Variants in CFAP54 observed in about 807,000 individuals in gnomAD.
CFAP54 encodes cilia and flagella associated protein 54.
CFAP54 carries 290 observed loss-of-function variants against 370.4 expected under a neutral mutation model. The ratio of observed to expected loss-of-function variants is 0.78; its 90% confidence interval spans 0.71 to 0.86. CFAP54 has a LOEUF of 0.86. CFAP54 is among the 40% of genes least tolerant of loss of function. The pLI is 0.00. For synonymous variants in CFAP54, 1,206 were observed against 1,236.5 expected (o/e 0.98, Z 0.52); for missense variants, 3,399 against 3,528.7 (o/e 0.96, Z 0.93).
chr12:96,697,373 A>G (rs553792738), intron 45 of CFAP54, among the ~76,000 whole-genome samples: 245 of 152,242 alleles, frequency 1.6e-3, no homozygotes, highest in African/African-American at 5.6e-3. Flanking sequence ...TAGAAACCTG[A>G]AAGAGTTTAT....
intron 50 of CFAP54, among the ~76,000 whole-genome samples, chr12:96,726,638 A>G (rs1378662611): frequency 2.6e-5 from 4 of 151,730 alleles, no homozygotes; most frequent in Admixed American, 2.6e-4. Context: ...TCCTGGATTC[A>G]TTAATTTTTT....
At chr12:96,697,201 A>G (rs551371072) in intron 45 of CFAP54, among the ~76,000 whole-genome samples, 3 of 152,304 alleles carry the variant, frequency 2.0e-5, no homozygotes, top group African/African-American at 7.2e-5. Context: ...ATATATGTCC[A>G]TTATTTACCC....
In CFAP54 at chr12:96,535,567, A is replaced by T. The variant is rs1256732205; in HGVS notation, c.1758A>T (p.Ala586=). The part of the protein sequence containing the change: ...GYSEDIFHLA[A]TLYVCVCTAP... ...CAGAGGATATTTTCCATTTGGCAGC[A>T]ACCTTGTATGTCTGTGTCTGCACTG... is the stretch of plus-strand genomic sequence containing the variant. Residue 586 remains alanine, a synonymous_variant, in exon 12 of 68, where the codon GCA becomes GCT. Coordinates refer to ENST00000524981, the MANE Select transcript of CFAP54 (RefSeq NM_001306084.2). 1.3e-6 allele frequency: 2 copies of T among 1,536,186 alleles called. No individual in the cohort carries two copies. The highest frequency in any genetic ancestry group is 8.7e-7 in the Non-Finnish European group (1 of 1,146,602).
At chr12:96,664,686 TGG>T (rs1957039318) in intron 39 of CFAP54, among the ~76,000 whole-genome samples, 1 of 88,006 alleles carries the variant, frequency 1.1e-5, no homozygotes. Context: ...TATATTCCTT[TGG>T]GTATATATCT....
chr12:96,498,289 A>G (rs1296744719), intron 1 of CFAP54, among the ~76,000 whole-genome samples: 3 of 152,388 alleles, frequency 2.0e-5, no homozygotes, highest in Middle Eastern at 3.4e-3. Flanking sequence ...AAATGAATCT[A>G]GACACAGACT....
chr12:96,772,860 T>A (rs1958478057), intron 60 of CFAP54, among the ~76,000 whole-genome samples: 1 of 152,176 alleles, frequency 6.6e-6, no homozygotes, highest in South Asian at 2.1e-4. Context: ...CCCACATGCC[T>A]CAGCTTCCCA....
chr12:96,616,946 G>C (rs990257260), intron 26 of CFAP54, among the ~76,000 whole-genome samples: 4 of 152,180 alleles, frequency 2.6e-5, no homozygotes, highest in Admixed American at 1.3e-4. Flanking sequence ...GATGAGTTCA[G>C]AGAGAAGATA....
chr12:96,714,027 TAA>T, intron 48 of CFAP54, among the ~76,000 whole-genome samples: 1 of 152,274 alleles, frequency 6.6e-6, no homozygotes, highest in Middle Eastern at 3.4e-3. Context: ...GAGGAAGAAT[TAA>T]AAGTTTCTAA....
intron 17 of CFAP54, among the ~76,000 whole-genome samples, chr12:96,560,641 A>T (rs973857546): frequency 6.6e-6 from 1 of 152,156 alleles, no homozygotes; most frequent in Non-Finnish European, 1.5e-5. Context: ...ATTCCATTGT[A>T]TCACATTAGA....
intron 26 of CFAP54, among the ~76,000 whole-genome samples, chr12:96,620,569 A>G (rs557195137): frequency 7.2e-5 from 11 of 152,360 alleles, no homozygotes; most frequent in African/African-American, 1.9e-4. Context: ...TGTCTTTATT[A>G]TAAGTGTGAG....
rs79444438 is a variant in CFAP54 at position 96,812,197 on chromosome 12, A to C, written c.8957+355A>C. 9.5e-3 allele frequency among the ~76,000 whole-genome samples: 1,449 copies of C among 152,298 alleles called. 55 individuals carry two copies. In the East Asian group the frequency reaches 0.1, roughly 11 times the overall value. ...CTTCATAGAGATTACAGAGAGCACAAGGATGTTGTCTGTACTATATTTTGC... is the reference window on the plus strand; with the variant it reads ...CTTCATAGAGATTACAGAGAGCACACGGATGTTGTCTGTACTATATTTTGC... On this transcript the variant is annotated intron_variant, in intron 64 of 67. Coordinates refer to ENST00000524981, the MANE Select transcript of CFAP54 (RefSeq NM_001306084.2).
chr12:96,728,430 T>A (rs1387656390), intron 50 of CFAP54, among the ~76,000 whole-genome samples: 5 of 152,240 alleles, frequency 3.3e-5, no homozygotes, highest in African/African-American at 1.2e-4. Flanking sequence ...ATTCATTTCA[T>A]CTTCCATCAC....
At chr12:96,644,887 T>C (rs1429458187) in intron 33 of CFAP54, among the ~76,000 whole-genome samples, 1 of 152,134 alleles carries the variant, frequency 6.6e-6, no homozygotes, top group African/African-American at 2.4e-5. Context: ...CCAAACCATA[T>C]CACTAACCAT....
At chr12:96,513,782 G>A (rs1209423070) in intron 5 of CFAP54, among the ~76,000 whole-genome samples, 1 of 151,988 alleles carries the variant, frequency 6.6e-6, no homozygotes, top group African/African-American at 2.4e-5. Context: ...AGGTGTCCTG[G>A]TTTGGATGAT....
chr12:96,733,203 A>G (rs1196867671), intron 50 of CFAP54, among the ~76,000 whole-genome samples: 1 of 152,188 alleles, frequency 6.6e-6, no homozygotes, highest in Non-Finnish European at 1.5e-5. Context: ...TTTGGAGCAG[A>G]GTTGTCATTT....
chr12:96,624,554 T>A lies in CFAP54; in HGVS notation c.3886+673T>A, dbSNP rs74578849. Among the ~76,000 whole-genome samples, 18 of 152,330 alleles carry A rather than the reference T, an allele frequency of 1.2e-4. No homozygotes were observed. The East Asian group carries it at 3.5e-3, about 29-fold the overall frequency. On this transcript the variant is annotated intron_variant, in intron 28 of 67. Transcript: ENST00000524981. ...TTTTGGAGTTTGCAGCCTGGAAGGT[T>A]ACTTGGGAAATTGAGTTAGTTTCTG...
rs1175186442 is a variant in CFAP54, at chr12:96,535,515, A to C, written c.1706A>C (p.Asp569Ala). 1 of 1,531,888 alleles carries C rather than the reference A, an allele frequency of 6.5e-7. No homozygotes were observed. The highest frequency in any genetic ancestry group is 2.4e-5 in the East Asian group (1 of 40,858). The allele number at this position is 1,531,888 out of a possible 1,614,324, so 94.9% of individuals were successfully genotyped here. The change falls in exon 12 of 68, where the codon GAT becomes GCT. Residue 569 changes from aspartate (D) to alanine (A), a missense_variant and splice_region_variant. Physicochemically the swap from Asp to Ala is moderately radical, Grantham distance 126. Transcript: ENST00000524981. Reference sequence around the variant, plus strand: ...ATTTTCCTCTACTTTATGAACTTAGATACTTGTTTGAAGACTTGTGGATAT... The same window carrying C: ...ATTTTCCTCTACTTTATGAACTTAGCTACTTGTTTGAAGACTTGTGGATAT... ...QIYLKKIAVH[D>A]TCLKTCGYSE...
chr12:96,601,535 A>G (rs1371951654), intron 26 of CFAP54, among the ~76,000 whole-genome samples: 8 of 152,228 alleles, frequency 5.3e-5, no homozygotes, highest in Admixed American at 5.2e-4. Context: ...GAATGGTGCC[A>G]GCTCCTCCTT....
chr12:96,753,150 TCA>T (rs1958208753), intron 55 of CFAP54, among the ~76,000 whole-genome samples: 1 of 152,174 alleles, frequency 6.6e-6, no homozygotes, highest in Admixed American at 6.6e-5. Context: ...GGCTCTGGGG[TCA>T]CACAGATAAA....
Sources: gnomAD v4.1 joint callset for allele counts (sites outside exome capture counted in the v4.1 genomes callset) on GRCh38, gnomAD v4.1.1 for gene constraint, MANE v1.5 for transcripts, NCBI Gene and HGNC (gene_info 2026-07-23, HGNC 2026-07-21) for gene names.